Variants in SLCO3A1 observed in about 807,000 individuals in gnomAD.
SLCO3A1 encodes the protein solute carrier organic anion transporter family member 3A1.
In SLCO3A1, 27 loss-of-function variants were observed where a neutral mutation model predicts 63.1. The observed-to-expected ratio is 0.43, with a 90% confidence interval of 0.32 to 0.59. SLCO3A1 has a LOEUF of 0.59. Among genes scored for constraint, SLCO3A1 ranks in the 20% least tolerant of loss-of-function variants. SLCO3A1 has a pLI of 0.09. For missense variants in SLCO3A1, 773 were observed against 945.8 expected (o/e 0.82, Z 2.40); for synonymous variants, 473 against 409.9 (o/e 1.15, Z -1.86).
intron 1 of SLCO3A1, among the ~76,000 whole-genome samples, chr15:91,857,308 G>A (rs116538092): frequency 1.1e-4 from 17 of 152,204 alleles, no homozygotes; most frequent in African/African-American, 4.1e-4. Context: ...TAACCCAGGT[G>A]CAACCTGGGC....
exon 11 of SLCO3A1, chr15:92,171,808 G>C: frequency 3.9e-6 from 6 of 1,551,564 alleles, no homozygotes; most frequent in Non-Finnish European, 5.2e-6. Flanking sequence ...TTGAGACTGA[G>C]AAAACCTGCC....
intron 2 of SLCO3A1, among the ~76,000 whole-genome samples, chr15:91,922,110 A>T (rs1398408923): frequency 1.3e-5 from 2 of 152,152 alleles, no homozygotes; most frequent in Non-Finnish European, 2.9e-5. Context: ...AATGTGGATG[A>T]TGCAGTTTTA....
At chr15:92,057,047 C>A (rs1408712381) in intron 2 of SLCO3A1, among the ~76,000 whole-genome samples, 1 of 152,250 alleles carries the variant, frequency 6.6e-6, no homozygotes. Context: ...AGAAGGTAGC[C>A]CTTGCCTGGC....
Position 92,164,990 on chromosome 15 carries a change from T to G in SLCO3A1, c.*1855T>G. The G allele has an allele frequency of 1.0e-6, 1 of 985,434 alleles. No homozygotes were observed. The allele number at this position is 985,434 out of a possible 1,614,324, so 61.0% of individuals were successfully genotyped here. The stretch of plus-strand genomic sequence containing the variant: ...AGGTTGATTGGTTTGCTTTTTCACC[T>G]TGGACACATTTGCATTTTACCCACA... On this transcript the variant is annotated 3_prime_UTR_variant, in exon 10 of 10. Transcript: ENST00000318445.
rs1209661865 is a variant in SLCO3A1 at position 91,900,477 on chromosome 15, A to C, written c.181-15516A>C. 6.6e-6 allele frequency among the ~76,000 whole-genome samples: 1 copy of C among 152,060 alleles called. No homozygotes were observed. Among genetic ancestry groups the C allele is most frequent in the African/African-American group, 2.4e-5 (1 of 41,412 alleles). ...CCCCAGTAGCTGGGATTACAGGTGC[A>C]TGCCACTGTGCCCGGCTAATTTTTG... is the stretch of plus-strand genomic sequence containing the variant. On this transcript the variant is annotated intron_variant, in intron 1 of 9. Coordinates refer to ENST00000318445, the MANE Select transcript of SLCO3A1 (RefSeq NM_013272.4). The surrounding 1 kb of genome is among the most constrained non-coding windows in gnomAD (Gnocchi z 4.3).
chr15:91,988,217 A>G lies in SLCO3A1; in HGVS notation c.646+71759A>G, dbSNP rs539938906. ...CAGGAGTTTAAGACCAGCCTGGGCAATGTGGCGAAACCTCGTCTCTACAAA... is the reference window on the plus strand; with the variant it reads ...CAGGAGTTTAAGACCAGCCTGGGCAGTGTGGCGAAACCTCGTCTCTACAAA... On this transcript the variant is annotated intron_variant, in intron 2 of 9. Coordinates refer to ENST00000318445, the MANE Select transcript of SLCO3A1 (RefSeq NM_013272.4). 2.6e-4 allele frequency among the ~76,000 whole-genome samples: 40 copies of G among 152,180 alleles called. 1 individual carries two copies. Among genetic ancestry groups the G allele is most frequent in the African/African-American group, 9.6e-4 (40 of 41,554 alleles).
chr15:92,051,805 C>T (rs1042910354), intron 2 of SLCO3A1, among the ~76,000 whole-genome samples: 1 of 152,132 alleles, frequency 6.6e-6, no homozygotes, highest in Non-Finnish European at 1.5e-5. Flanking sequence ...TTGATGGCCT[C>T]CTCCCTCTCC....
downstream of SLCO3A1, among the ~76,000 whole-genome samples, chr15:92,167,096 T>C (rs948860083): frequency 6.6e-6 from 1 of 152,240 alleles, no homozygotes; most frequent in Non-Finnish European, 1.5e-5. Flanking sequence ...GAATATTTTA[T>C]TTGATTTGGT....
chr15:92,163,552 AAAT>A lies in SLCO3A1; in HGVS notation c.*418_*420del, dbSNP rs2048466872. The A allele has an allele frequency of 1.1e-6, 1 of 910,720 alleles. No homozygotes were observed. Among genetic ancestry groups the A allele is most frequent in the Non-Finnish European group, 1.3e-6 (1 of 796,840 alleles). 56.4% of individuals were successfully genotyped at this position (910,720 alleles called of 1,614,324 possible). The stretch of plus-strand genomic sequence containing the variant: ...TAAAAGAAGTTTCCTAAAATAAAAA[AAAT>A]TAAAAAAAAAAAACCCACAAGTTGA... On this transcript the variant is annotated 3_prime_UTR_variant, in exon 10 of 10. Transcript: ENST00000318445.
intron 1 of SLCO3A1, among the ~76,000 whole-genome samples, chr15:91,857,772 G>A (rs1380491249): frequency 6.6e-6 from 1 of 152,136 alleles, no homozygotes; most frequent in African/African-American, 2.4e-5. Context: ...AGATAAGGGT[G>A]TGTACAGGAA....
At chr15:91,910,755 T>G (rs1420286182) in intron 1 of SLCO3A1, among the ~76,000 whole-genome samples, 1 of 152,188 alleles carries the variant, frequency 6.6e-6, no homozygotes, top group Non-Finnish European at 1.5e-5. Flanking sequence ...CTGATACACA[T>G]GCACACGCCT....
chr15:92,048,415 G>A (rs2046916484), intron 2 of SLCO3A1, among the ~76,000 whole-genome samples: 1 of 152,136 alleles, frequency 6.6e-6, no homozygotes, highest in African/African-American at 2.4e-5. Context: ...CCCCAACCTA[G>A]TTGACTGCAA....
chr15:92,051,709 C>G lies in SLCO3A1; in HGVS notation c.647-43172C>G, dbSNP rs1455405722. On this transcript the variant is annotated intron_variant, in intron 2 of 9. Coordinates refer to ENST00000318445, the MANE Select transcript of SLCO3A1 (RefSeq NM_013272.4). The stretch of plus-strand genomic sequence containing the variant: ...CCGTCTTGTGTGTGCTAGGTTCGTG[C>G]TTGTATCTGAGAGATGAGAAATGGC... Among the ~76,000 whole-genome samples the G allele has an allele frequency of 2.0e-5, 3 of 152,056 alleles. No homozygotes were observed. The East Asian group carries it at 5.8e-4, about 29-fold the overall frequency.
chr15:91,914,378 G>C (rs1161594834), intron 1 of SLCO3A1, among the ~76,000 whole-genome samples: 6 of 152,040 alleles, frequency 3.9e-5, no homozygotes, highest in Non-Finnish European at 8.8e-5. Context: ...ATCCAGGCTG[G>C]GAGAGTTTGA....
At chr15:92,096,836 G>C (rs944688133) in intron 3 of SLCO3A1, among the ~76,000 whole-genome samples, 2 of 152,186 alleles carry the variant, frequency 1.3e-5, no homozygotes, top group Admixed American at 6.5e-5. Flanking sequence ...CTTTTAAAGT[G>C]CTGAGTCTGT....
chr15:92,049,247 G>A (rs1233527369), intron 2 of SLCO3A1, among the ~76,000 whole-genome samples: 1 of 152,112 alleles, frequency 6.6e-6, no homozygotes. Flanking sequence ...TTTAGCTTCG[G>A]TGCCAGCCCC....
In SLCO3A1 at chr15:91,948,498, G is replaced by A. The variant is rs572257109; in HGVS notation, c.646+32040G>A. 2.0e-5 allele frequency among the ~76,000 whole-genome samples: 3 copies of A among 152,300 alleles called. No individual in the cohort carries two copies. Among genetic ancestry groups the A allele is most frequent in the East Asian group, 3.9e-4 (2 of 5,182 alleles). On this transcript the variant is annotated intron_variant, in intron 2 of 9. Coordinates refer to ENST00000318445, the MANE Select transcript of SLCO3A1 (RefSeq NM_013272.4). This position sits in a 1 kb window ranked among gnomAD's most constrained non-coding sequence, Gnocchi z 4.8. ...CAGCAGTCATTGGTTAGGAATTTGG[G>A]GATTTTCTAATCTAAGTGTTCTCCC...
At chr15:91,930,107 C>A (rs1899171824) in intron 2 of SLCO3A1, among the ~76,000 whole-genome samples, 1 of 152,110 alleles carries the variant, frequency 6.6e-6, no homozygotes, top group African/African-American at 2.4e-5. Context: ...TAATTTTCTC[C>A]CAGGTTTGCC....
chr15:92,125,099 C>G (rs960563041), intron 5 of SLCO3A1, among the ~76,000 whole-genome samples: 1 of 152,066 alleles, frequency 6.6e-6, no homozygotes, highest in Non-Finnish European at 1.5e-5. Flanking sequence ...AGCTATACCC[C>G]CTTATTATAT....
Sources: gnomAD v4.1 joint callset for allele counts (sites outside exome capture counted in the v4.1 genomes callset) on GRCh38, gnomAD v4.1.1 for gene constraint, Gnocchi (gnomAD v3.1) non-coding constraint, MANE v1.5 for transcripts, NCBI Gene and HGNC (gene_info 2026-07-23, HGNC 2026-07-21) for gene names.